DLK2: variants seen among roughly 807,000 people sequenced by gnomAD.
DLK2 encodes the protein protein delta homolog 2.
DLK2 carries 9 observed loss-of-function variants against 31.3 expected under a neutral mutation model. The ratio of observed to expected loss-of-function variants is 0.29; its 90% CI spans 0.17 to 0.50. The LOEUF (loss-of-function observed/expected upper bound fraction) is 0.50, where lower values mean the gene tolerates loss of function less well. Among genes scored for constraint, DLK2 ranks in the 20% least tolerant of loss-of-function variants. DLK2 has a pLI of 0.98. For missense variants in DLK2, 387 were observed against 526.1 expected (o/e 0.74, Z 2.59); for synonymous variants, 169 against 201.2 (o/e 0.84, Z 1.35).
Position 43,450,388 on chromosome 6 carries a change from T to C in DLK2, c.*151A>G. 9.3e-7 allele frequency: 1 copy of C among 1,071,098 alleles called. No individual in the cohort carries two copies. The highest frequency in any genetic ancestry group is 1.3e-6 in the Non-Finnish European group (1 of 773,424). 66.3% of individuals were successfully genotyped at this position (1,071,098 alleles called of 1,614,324 possible). ...TAGTTTTATTTGATAAAATTCCATC[T>C]TACATTCTGTGTATTAAAAAAATAA... On this transcript the variant is annotated 3_prime_UTR_variant, in exon 6 of 6. Transcript: ENST00000372488. The surrounding 1 kb of genome is among the most constrained non-coding windows in gnomAD (Gnocchi z 4.5).
chr6:43,453,171 C>A lies in DLK2; in HGVS notation c.141-36G>T. On this transcript the variant is annotated intron_variant, in intron 3 of 5. Transcript: ENST00000372488. The surrounding 1 kb of genome is among the most constrained non-coding windows in gnomAD (Gnocchi z 4.1). Reference sequence around the variant, plus strand: ...GAAGCACAGGGTCAGGGCTCTGGGTCATGGATGTGAAGAAATGGAGGAGAC... The same window carrying A: ...GAAGCACAGGGTCAGGGCTCTGGGTAATGGATGTGAAGAAATGGAGGAGAC... 1 of 1,561,550 alleles carries A rather than the reference C, an allele frequency of 6.4e-7. No individual in the cohort carries two copies.
chr6:43,450,543 A>C lies in DLK2; in HGVS notation c.1148T>G (p.Leu383Arg), dbSNP rs372232104. The C allele has an allele frequency of 2.6e-6, 4 of 1,548,530 alleles. No homozygotes were observed. In the African/African-American group the frequency reaches 5.4e-5, roughly 21 times the overall value. Residue 383 changes from leucine to arginine, a missense_variant, in exon 6 of 6, where the codon CTG (leucine) becomes CGG (arginine). By Grantham distance (102) the Leu-to-Arg change is moderately radical. Coordinates refer to ENST00000372488, the MANE Select transcript of DLK2 (RefSeq NM_023932.4). This position sits in a 1 kb window ranked among gnomAD's most constrained non-coding sequence, Gnocchi z 4.5. ...GCCAGAAAGCCCCCACCTCCATCAC[A>C]GTGCTGTGGTCTTTCCAGGCTCAGG... ...LPPEPGKTTA[L>R]
chr6:43,451,984 A>G lies in DLK2; in HGVS notation c.372T>C (p.His124=), dbSNP rs372062583. 4 of 1,614,024 alleles carry G rather than the reference A, an allele frequency of 2.5e-6. No homozygotes were observed. Among genetic ancestry groups the G allele is most frequent in the Admixed American group, 3.3e-5 (2 of 60,008 alleles). The part of the protein sequence containing the change: ...EYHCVCLPGF[H]GRDCERKAGP... The stretch of plus-strand genomic sequence containing the variant: ...CAGCCTTGCGCTCGCAGTCACGCCC[A>G]TGGAAGCCTGGTAAGCACACACAAT... Residue 124 remains histidine (H), a synonymous_variant, in exon 5 of 6, where the codon CAT becomes CAC. Transcript: ENST00000372488. This position sits in a 1 kb window ranked among gnomAD's most constrained non-coding sequence, Gnocchi z 4.4.
intron 2 of DLK2, 82 bp from the exon 3 acceptor site, chr6:43,454,556 T>G (rs1783897375): frequency 1.4e-6 from 2 of 1,428,312 alleles, no homozygotes; most frequent in Admixed American, 4.1e-5. Context: ...AGGATTGGGG[T>G]TCCAGTAACT....
Position 43,453,061 on chromosome 6 carries a change from T to A in DLK2, c.215A>T (p.His72Leu). 6.2e-7 allele frequency: 1 copy of A among 1,614,056 alleles called. No individual in the cohort carries two copies. The highest frequency in any genetic ancestry group is 2.2e-5 in the East Asian group (1 of 44,868). Residue 72 changes from histidine to leucine, a missense_variant, in exon 4 of 6, where the codon CAC (histidine) becomes CTC (leucine). Physicochemically the swap from His to Leu is moderately conservative, Grantham distance 99 (BLOSUM62 -3). Transcript: ENST00000372488. This position sits in a 1 kb window ranked among gnomAD's most constrained non-coding sequence, Gnocchi z 4.1. ...GTGGCAGATGCACTGCCATGGCTGGTGGCAGGTACCGTGCTGGCAGCCAGG... is the reference window on the plus strand; with the variant it reads ...GTGGCAGATGCACTGCCATGGCTGGAGGCAGGTACCGTGCTGGCAGCCAGG... ...RMPGCQHGTC[H>L]QPWQCICHSG...
At chr6:43,452,870 A>C in intron 4 of DLK2, 135 bp downstream of exon 4, 3 of 1,347,394 alleles carry the variant, frequency 2.2e-6, no homozygotes, top group Non-Finnish European at 2.0e-6. Context: ...TAAAAAGTCT[A>C]AGATTTAAAA....
intron 1 of DLK2, chr6:43,455,189 G>T: frequency 2.7e-6 from 2 of 746,274 alleles, no homozygotes; most frequent in Non-Finnish European, 3.3e-6. Flanking sequence ...ACAGCGCCGA[G>T]AGGCGGCCTC....
At position 43,450,485 on chromosome 6, in the gene DLK2, C is replaced by T. The variant is rs1783642998; in HGVS notation, c.*54G>A. The T allele has an allele frequency of 2.6e-6, 4 of 1,513,074 alleles. No individual in the cohort carries two copies. Among genetic ancestry groups the T allele is most frequent in the South Asian group, 2.7e-5 (2 of 74,510 alleles). The allele number at this position is 1,513,074 out of a possible 1,614,324, so 93.7% of individuals were successfully genotyped here. ...TGAAGGGTGGTGAGAACGGACCACTCCAGTCTGAGGGGTGGAAGAGGTGAG... is the reference window on the plus strand; with the variant it reads ...TGAAGGGTGGTGAGAACGGACCACTTCAGTCTGAGGGGTGGAAGAGGTGAG... On this transcript the variant is annotated 3_prime_UTR_variant, in exon 6 of 6. Transcript: ENST00000372488. The surrounding 1 kb of genome is among the most constrained non-coding windows in gnomAD (Gnocchi z 4.5).
chr6:43,454,298 A>T, intron 3 of DLK2, 113 bp downstream of exon 3: 1 of 984,318 alleles, frequency 1.0e-6, no homozygotes, highest in Non-Finnish European at 1.5e-6. Context: ...AGTCAGCCAT[A>T]GGAGTGATGA....
chr6:43,451,929 C>T lies in DLK2; in HGVS notation c.416+11G>A, dbSNP rs948732437. On this transcript the variant is annotated intron_variant, in intron 5 of 5. Coordinates refer to ENST00000372488, the MANE Select transcript of DLK2 (RefSeq NM_023932.4). This position sits in a 1 kb window ranked among gnomAD's most constrained non-coding sequence, Gnocchi z 4.4. ...CTAACCTTCCACTCACCCTGAGGGC[C>T]CAGCACTCACCCTGCCTGTTCACAG... 1.9e-6 allele frequency: 3 copies of T among 1,613,762 alleles called. No individual in the cohort carries two copies. The highest frequency in any genetic ancestry group is 2.5e-6 in the Non-Finnish European group (3 of 1,179,878).
intron 1 of DLK2, 98 bp from the exon 2 acceptor site, chr6:43,454,978 G>C: frequency 6.9e-7 from 1 of 1,453,092 alleles, no homozygotes; most frequent in South Asian, 1.4e-5. Context: ...AGGGGCGCCG[G>C]GACAGAAGAA....
At chr6:43,455,233 G>T in intron 1 of DLK2, 162 bp downstream of exon 1, 1 of 295,474 alleles carries the variant, frequency 3.4e-6, no homozygotes, top group Non-Finnish European at 5.0e-6. Flanking sequence ...CGGAGGGAAG[G>T]ACGGTTCCCG....
At chr6:43,454,641 TGCCCCGCGG>T in intron 2 of DLK2, 100 bp downstream of exon 2, 1 of 1,430,736 alleles carries the variant, frequency 7.0e-7, no homozygotes, top group Admixed American at 2.1e-5. Flanking sequence ...CGGTCTTGCT[TGCCCCGCGG>T]GTCGGAGCGA....
rs1292062536 is a variant in DLK2, at chr6:43,451,986, G to A, written c.370C>T (p.His124Tyr). 1 of 1,614,158 alleles carries A rather than the reference G, an allele frequency of 6.2e-7. No individual in the cohort carries two copies. Among genetic ancestry groups the A allele is most frequent in the East Asian group, 2.2e-5 (1 of 44,880 alleles). ...GCCTTGCGCTCGCAGTCACGCCCAT[G>A]GAAGCCTGGTAAGCACACACAATGG... ...EYHCVCLPGF[H>Y]GRDCERKAGP... Residue 124 changes from histidine to tyrosine, a missense_variant, in exon 5 of 6, where the codon CAT becomes TAT. Coordinates refer to ENST00000372488, the MANE Select transcript of DLK2 (RefSeq NM_023932.4). The surrounding 1 kb of genome is among the most constrained non-coding windows in gnomAD (Gnocchi z 4.4).
Position 43,451,798 on chromosome 6 carries a change from T to C in DLK2, c.416+142A>G. On this transcript the variant is annotated intron_variant, in intron 5 of 5. Coordinates refer to ENST00000372488, the MANE Select transcript of DLK2 (RefSeq NM_023932.4). This position sits in a 1 kb window ranked among gnomAD's most constrained non-coding sequence, Gnocchi z 4.4. ...GAGAAACCCTGAACTAGGAACACTT[T>C]GGCATGCAGGGGTTTTATCTGAGTG... 1.4e-6 allele frequency: 2 copies of C among 1,426,042 alleles called. No individual in the cohort carries two copies. The highest frequency in any genetic ancestry group is 2.9e-5 in the Admixed American group (1 of 35,050). The allele number at this position is 1,426,042 out of a possible 1,614,324, so 88.3% of individuals were successfully genotyped here.
rs912301267 is a variant in DLK2 at position 43,455,203 on chromosome 6, C to T, written c.-56+192G>A. ...GACAGCGCCGAGAGGCGGCCTCGAG[C>T]ACGGAGGGGACGCGGGGGCCGGAGG... On this transcript the variant is annotated intron_variant, in intron 1 of 5. Transcript: ENST00000372488. The T allele has an allele frequency of 1.0e-5, 6 of 579,994 alleles. No individual in the cohort carries two copies. In the Admixed American group the frequency reaches 3.8e-4, roughly 37 times the overall value. The allele number at this position is 579,994 out of a possible 1,614,324, so 35.9% of individuals were successfully genotyped here. A position where few individuals can be genotyped will look rare whatever the true frequency, so the allele number is the denominator to read the frequency against.
upstream of DLK2, among the ~76,000 whole-genome samples, chr6:43,455,823 G>A (rs1321569755): frequency 6.6e-6 from 1 of 151,996 alleles, no homozygotes; most frequent in Non-Finnish European, 1.5e-5. Flanking sequence ...CATCTCCCAT[G>A]CCCACTTTCC....
intron 4 of DLK2, among the ~76,000 whole-genome samples, chr6:43,452,541 C>T (rs1284287626): frequency 6.6e-6 from 1 of 152,180 alleles, no homozygotes; most frequent in South Asian, 2.1e-4. Context: ...CATGGTGAAA[C>T]CCTATCTCTA....
At chr6:43,456,257 A>G (rs1783978430), upstream of DLK2, 2 of 152,236 alleles carry the variant, frequency 1.3e-5, no homozygotes, top group Admixed American at 1.3e-4. Context: ...CTCCACCGCC[A>G]AGTCTTCTCC....
Sources: allele counts gnomAD v4.1 joint callset (sites outside exome capture counted in the v4.1 genomes callset), GRCh38; gene constraint gnomAD v4.1.1; non-coding constraint Gnocchi (gnomAD v3.1); transcripts MANE v1.5; gene names NCBI Gene and HGNC (gene_info 2026-07-23, HGNC 2026-07-21).